AFF2: variants seen among roughly 807,000 people sequenced by gnomAD.
The protein encoded by AFF2 is ALF transcription elongation factor 2.
AFF2 carries 14 observed loss-of-function variants against 76.9 expected under a neutral mutation model. The observed-to-expected ratio is 0.18, with a 90% CI of 0.12 to 0.28. AFF2 has a LOEUF of 0.28. Among genes scored for constraint, AFF2 ranks in the 10% least tolerant of loss-of-function variants. The probability of loss-of-function intolerance (pLI) is 1.00; values close to 1 mark genes in which losing one functional copy is unlikely to be tolerated. For synonymous variants in AFF2, 398 were observed against 366.7 expected (o/e 1.09, Z -0.98); for missense variants, 868 against 1,001.1 (o/e 0.87, Z 1.79).
intron 1 of AFF2, among the ~76,000 whole-genome samples, chrX:148,511,412 G>A (rs782818613): frequency 5.4e-5 from 6 of 111,869 alleles, no homozygotes; most frequent in African/African-American, 1.6e-4. Context: ...AATAGTTCCC[G>A]CTTTGGAGGC....
chrX:148,527,420 T>C (rs2052674517), intron 1 of AFF2, among the ~76,000 whole-genome samples: 1 of 112,091 alleles, frequency 8.9e-6, no homozygotes, highest in African/African-American at 3.2e-5. Context: ...TTAGATTGGA[T>C]CTTGGACCCT....
At chrX:148,709,676 C>T (rs1172578651) in intron 3 of AFF2, among the ~76,000 whole-genome samples, 2 of 111,998 alleles carry the variant, frequency 1.8e-5, no homozygotes, top group East Asian at 2.8e-4. Flanking sequence ...TACACACACT[C>T]GCAGGCAAGT....
intron 3 of AFF2, among the ~76,000 whole-genome samples, chrX:148,682,679 A>G (rs2054563336): frequency 8.9e-6 from 1 of 111,800 alleles, no homozygotes; most frequent in Non-Finnish European, 1.9e-5. Context: ...ATAATGGCTC[A>G]CCAGGGCATG....
intron 3 of AFF2, among the ~76,000 whole-genome samples, chrX:148,765,939 G>C (rs1557267692): frequency 1.0e-5 from 1 of 99,702 alleles, no homozygotes; most frequent in Non-Finnish European, 2.0e-5. Context: ...CCACCTATGA[G>C]TGAGAAGATG....
chrX:148,826,928 G>GTTTATT (rs1174507522), intron 4 of AFF2, among the ~76,000 whole-genome samples: 1 of 110,622 alleles, frequency 9.0e-6, no homozygotes, highest in Non-Finnish European at 1.9e-5. Flanking sequence ...ACCTCTGTTG[G>GTTTATT]TTTATTTTTA....
At chrX:148,731,676 T>G (rs1280662983) in intron 3 of AFF2, among the ~76,000 whole-genome samples, 1 of 105,904 alleles carries the variant, frequency 9.4e-6, no homozygotes, top group Non-Finnish European at 1.9e-5. Context: ...CCTACTCATC[T>G]GACAAAGGGC....
chrX:148,723,380 T>C (rs1169022051), intron 3 of AFF2, among the ~76,000 whole-genome samples: 1 of 111,887 alleles, frequency 8.9e-6, no homozygotes, highest in Non-Finnish European at 1.9e-5. Flanking sequence ...ACTTTCTAAT[T>C]ATACAGCTCA....
At chrX:148,876,714 G>A in intron 7 of AFF2, among the ~76,000 whole-genome samples, 1 of 111,428 alleles carries the variant, frequency 9.0e-6, no homozygotes, top group Non-Finnish European at 1.9e-5. Flanking sequence ...GTCTGGTGGT[G>A]TAGGGGAGCA....
At chrX:148,990,501 C>T (rs781891274) in intron 20 of AFF2, among the ~76,000 whole-genome samples, 2 of 112,524 alleles carry the variant, frequency 1.8e-5, no homozygotes, top group African/African-American at 3.2e-5. Flanking sequence ...GTACTTCTAT[C>T]GCCTAAGGCA....
intron 3 of AFF2, among the ~76,000 whole-genome samples, chrX:148,807,416 T>G (rs1191999909): frequency 8.9e-6 from 1 of 111,740 alleles, no homozygotes; most frequent in Non-Finnish European, 1.9e-5. Flanking sequence ...CCTGTGAGAT[T>G]TAAAAAGGAT....
chrX:148,872,480 C>G (rs2070989324), intron 7 of AFF2, among the ~76,000 whole-genome samples: 1 of 112,285 alleles, frequency 8.9e-6, no homozygotes, highest in South Asian at 3.7e-4. Context: ...GCTGAATAAT[C>G]ATTCATTTCA....
In AFF2 at chrX:148,997,260, G is replaced by T. The variant is rs2072613623; in HGVS notation, c.*5928G>T. 2 of 109,110 alleles carry T rather than the reference G, an allele frequency of 1.8e-5. No individual in the cohort carries two copies. Among genetic ancestry groups the T allele is most frequent in the Admixed American group, 1.9e-4 (2 of 10,401 alleles). 9.0% of individuals were successfully genotyped at this position (109,110 alleles called of 1,213,427 possible). A position where few individuals can be genotyped will look rare whatever the true frequency, so the allele number is the denominator to read the frequency against. On this transcript the variant is annotated 3_prime_UTR_variant, in exon 21 of 21. Coordinates refer to ENST00000370460, the MANE Select transcript of AFF2 (RefSeq NM_002025.4). ...CAGTAACAAGAAGGCATAAACTAAA[G>T]TATATAATGAGGCTTTCATTAAATA...
chrX:148,806,861 A>G (rs950939360), intron 3 of AFF2, among the ~76,000 whole-genome samples: 1 of 112,210 alleles, frequency 8.9e-6, no homozygotes, highest in Non-Finnish European at 1.9e-5. Flanking sequence ...TGTGCTAGGC[A>G]CGTAGGAAAT....
intron 4 of AFF2, among the ~76,000 whole-genome samples, chrX:148,828,928 T>C (rs782551268): frequency 8.9e-6 from 1 of 112,059 alleles, no homozygotes; most frequent in Non-Finnish European, 1.9e-5. Flanking sequence ...TTCCCAATTG[T>C]ACATTATAAT....
intron 2 of AFF2, among the ~76,000 whole-genome samples, chrX:148,654,752 G>A (rs1039015090): frequency 1.8e-5 from 2 of 108,706 alleles, no homozygotes; most frequent in South Asian, 8.2e-4. Context: ...GGAAGATTGG[G>A]GAAGTGCAAG....
At chrX:148,502,412 C>G (rs1259951242) in intron 1 of AFF2, among the ~76,000 whole-genome samples, 1 of 112,173 alleles carries the variant, frequency 8.9e-6, no homozygotes, top group Non-Finnish European at 1.9e-5. Flanking sequence ...GCCAATCATG[C>G]CTCCTTTAGT....
intron 1 of AFF2, among the ~76,000 whole-genome samples, chrX:148,519,488 A>G (rs782656522): frequency 8.9e-6 from 1 of 112,314 alleles, no homozygotes; most frequent in South Asian, 3.7e-4. Flanking sequence ...AATAATACGA[A>G]GCGGAAGAAA....
At position 148,596,927 on chromosome X, in the gene AFF2, A is replaced by G. The variant is rs782588366; in HGVS notation, c.48-55072A>G. Among the ~76,000 whole-genome samples the G allele has an allele frequency of 6.3e-5, 7 of 111,797 alleles. No homozygotes were observed. In the East Asian group the frequency reaches 2.0e-3, roughly 32 times the overall value. ...AAACTCCCAATAAATTCTCAGCACT[A>G]CTAAGGAACAACTCAATGGACCATG... On this transcript the variant is annotated intron_variant, in intron 1 of 20. Coordinates refer to ENST00000370460, the MANE Select transcript of AFF2 (RefSeq NM_002025.4).
intron 1 of AFF2, among the ~76,000 whole-genome samples, chrX:148,507,912 T>C (rs782461156): frequency 1.8e-5 from 2 of 112,375 alleles, no homozygotes; most frequent in South Asian, 7.3e-4. Context: ...TGATTATGGA[T>C]TGCTTACTTT....
Sources: gnomAD v4.1 joint callset for allele counts (sites outside exome capture counted in the v4.1 genomes callset) on GRCh38, gnomAD v4.1.1 for gene constraint, MANE v1.5 for transcripts, NCBI Gene and HGNC (gene_info 2026-07-23, HGNC 2026-07-21) for gene names.